ZFYVE1: variants seen among roughly 807,000 people sequenced by gnomAD.
ZFYVE1 encodes zinc finger FYVE domain-containing protein 1.
Under a neutral mutation model 74.4 loss-of-function variants are expected in ZFYVE1, and 30 were observed. That is an observed-to-expected ratio of 0.40 (90% CI 0.30 to 0.55). The LOEUF (loss-of-function observed/expected upper bound fraction) is 0.55, where lower values mean the gene tolerates loss of function less well. Ranked by LOEUF, ZFYVE1 falls within the 20% of genes least tolerant of loss-of-function variation. ZFYVE1 has a pLI of 0.42. For synonymous variants in ZFYVE1, 335 were observed against 385.1 expected (o/e 0.87, Z 1.52); for missense variants, 703 against 1,011.6 (o/e 0.69, Z 4.14).
intron 8 of ZFYVE1, among the ~76,000 whole-genome samples, chr14:72,977,403 G>A (rs1340099724): frequency 6.0e-5 from 9 of 151,106 alleles, no homozygotes; most frequent in Non-Finnish European, 8.8e-5. Context: ...GAACAAGAGC[G>A]AAACTCCGTC....
chr14:73,023,743 G>A (rs58178260), intron 2 of ZFYVE1, among the ~76,000 whole-genome samples: 2,153 of 152,030 alleles, frequency 0.014, 53 homozygotes, highest in African/African-American at 0.047. Context: ...TTTATTATGC[G>A]ACAGGCTCTA....
intron 2 of ZFYVE1, among the ~76,000 whole-genome samples, 186 bp downstream of exon 2, chr14:73,023,839 TA>T (rs977372524): frequency 2.6e-5 from 4 of 152,126 alleles, no homozygotes; most frequent in African/African-American, 7.2e-5. Flanking sequence ...CTCAGAAAAG[TA>T]AAGTAATTCG....
At chr14:73,009,899 G>C (rs1307353277) in intron 2 of ZFYVE1, among the ~76,000 whole-genome samples, 1 of 152,102 alleles carries the variant, frequency 6.6e-6, no homozygotes, top group Non-Finnish European at 1.5e-5. Context: ...CTTGAGTCCA[G>C]GAATTAGAGA....
chr14:72,993,961 G>A (rs534773022), intron 3 of ZFYVE1, among the ~76,000 whole-genome samples: 28 of 148,668 alleles, frequency 1.9e-4, no homozygotes, highest in African/African-American at 6.8e-4. Flanking sequence ...GTTGCAGTGA[G>A]CCAAGATCGC....
chr14:72,978,518 G>T (rs971871342), intron 6 of ZFYVE1, among the ~76,000 whole-genome samples: 1 of 116,684 alleles, frequency 8.6e-6, no homozygotes, highest in Non-Finnish European at 1.6e-5. Context: ...AGTAAGCCAA[G>T]ATTGTGCCAC....
At chr14:72,991,183 ATTTTTTTTTTTTT>A (rs57153409) in intron 4 of ZFYVE1, among the ~76,000 whole-genome samples, 1 of 83,568 alleles carries the variant, frequency 1.2e-5, no homozygotes, top group Admixed American at 1.6e-4. Flanking sequence ...CCCTGATGGT[ATTTTTTTTTTTTT>A]TTTTTTTTTT....
intron 6 of ZFYVE1, among the ~76,000 whole-genome samples, chr14:72,978,566 C>CAAAAAAAAAAAAAAAAAAAAAA (rs58858186): frequency 3.9e-5 from 2 of 50,952 alleles, no homozygotes; most frequent in Non-Finnish European, 6.5e-5. Context: ...GACTCTGTCT[C>CAAAAAAAAAAAAAAAAAAAAAA]AAAAAAAAAA....
rs549176349 is a variant in ZFYVE1 at position 72,975,417 on chromosome 14, C to T, written c.1806+134G>A. ...CTGCCTCAACGACTCCTCCCCTTGC[C>T]GGTACTCACAGAGCTCACTGCACTG... On this transcript the variant is annotated intron_variant, in intron 9 of 11. Transcript: ENST00000556143. This position sits in a 1 kb window ranked among gnomAD's most constrained non-coding sequence, Gnocchi z 4.1. 2.5e-4 allele frequency: 292 copies of T among 1,154,586 alleles called. 3 individuals carry two copies. The highest frequency in any genetic ancestry group is 1.1e-3 in the South Asian group (65 of 61,572). 71.5% of individuals were successfully genotyped at this position (1,154,586 alleles called of 1,614,324 possible).
chr14:72,987,336 G>A (rs1176062247), intron 4 of ZFYVE1, among the ~76,000 whole-genome samples: 4 of 152,198 alleles, frequency 2.6e-5, no homozygotes, highest in Admixed American at 1.3e-4. Flanking sequence ...GGAGGCCAAG[G>A]CAGACAGATA....
At chr14:73,004,129 TGTCACTCA>T (rs1397255958) in intron 2 of ZFYVE1, among the ~76,000 whole-genome samples, 1 of 152,132 alleles carries the variant, frequency 6.6e-6, no homozygotes, top group Non-Finnish European at 1.5e-5. Context: ...TTTGGACCCG[TGTCACTCA>T]GCCAGCCTGG....
chr14:73,019,872 A>G (rs1381819804), intron 2 of ZFYVE1, among the ~76,000 whole-genome samples: 1 of 151,588 alleles, frequency 6.6e-6, no homozygotes, highest in Admixed American at 6.6e-5. Context: ...AATCACTTGA[A>G]CCCAGGAGAC....
In ZFYVE1 at chr14:72,975,484, C is replaced by T. The variant is rs2286836; in HGVS notation, c.1806+67G>A. ...TCTCCCTCACAGAACAAGCTTAGCACAGGGCAAAGCGGCATTAAGTAGGAT... is the reference window on the plus strand; with the variant it reads ...TCTCCCTCACAGAACAAGCTTAGCATAGGGCAAAGCGGCATTAAGTAGGAT... On this transcript the variant is annotated intron_variant, in intron 9 of 11. Coordinates refer to ENST00000556143, the MANE Select transcript of ZFYVE1 (RefSeq NM_021260.4). The surrounding 1 kb of genome is among the most constrained non-coding windows in gnomAD (Gnocchi z 4.1). 139,576 of 1,540,252 alleles carry T rather than the reference C, an allele frequency of 0.091. 6,958 individuals carry two copies. The highest frequency in any genetic ancestry group is 0.17 in the East Asian group (7,316 of 44,164).
chr14:73,010,272 G>A (rs1029309906), intron 2 of ZFYVE1, among the ~76,000 whole-genome samples: 1 of 151,994 alleles, frequency 6.6e-6, no homozygotes, highest in Non-Finnish European at 1.5e-5. Context: ...TTGAGACTAG[G>A]CTGGCCATCA....
At chr14:73,014,832 C>A (rs1894157084) in intron 2 of ZFYVE1, among the ~76,000 whole-genome samples, 1 of 152,154 alleles carries the variant, frequency 6.6e-6, no homozygotes, top group Non-Finnish European at 1.5e-5. Context: ...ATGAAGCTAC[C>A]CTAGACCAGA....
rs369987038 is a variant in ZFYVE1, at chr14:73,021,771, A to C, written c.483+2255T>G. ...CTTTACAAACAATCCAATTATATACATATTACATTCAAGAAAAAAAAAGAT... is the reference window on the plus strand; with the variant it reads ...CTTTACAAACAATCCAATTATATACCTATTACATTCAAGAAAAAAAAAGAT... On this transcript the variant is annotated intron_variant, in intron 2 of 11. Transcript: ENST00000556143. Among the ~76,000 whole-genome samples the C allele has an allele frequency of 2.0e-5, 3 of 152,150 alleles. No individual in the cohort carries two copies. In the East Asian group the frequency reaches 5.8e-4, roughly 29 times the overall value.
At chr14:73,015,219 G>C (rs1285587629) in intron 2 of ZFYVE1, among the ~76,000 whole-genome samples, 3 of 133,386 alleles carry the variant, frequency 2.2e-5, no homozygotes, top group Admixed American at 8.1e-5. Flanking sequence ...GACAGAGTGA[G>C]ACTCCATCTG....
In ZFYVE1 at chr14:73,015,572, C is replaced by T. The variant is rs186390396; in HGVS notation, c.483+8454G>A. 1.8e-3 allele frequency among the ~76,000 whole-genome samples: 278 copies of T among 152,130 alleles called. 2 individuals are homozygous for T. Among genetic ancestry groups the T allele is most frequent in the Middle Eastern group, 6.8e-3 (2 of 294 alleles). On this transcript the variant is annotated intron_variant, in intron 2 of 11. Coordinates refer to ENST00000556143, the MANE Select transcript of ZFYVE1 (RefSeq NM_021260.4). ...CTGATTTCTGTATTTTTAGTAGACACGGGGTTTTGCCATGTTAGCCAGGCT... is the reference window on the plus strand; with the variant it reads ...CTGATTTCTGTATTTTTAGTAGACATGGGGTTTTGCCATGTTAGCCAGGCT...
At chr14:73,004,088 G>A (rs2140373363) in intron 2 of ZFYVE1, among the ~76,000 whole-genome samples, 1 of 152,338 alleles carries the variant, frequency 6.6e-6, no homozygotes, top group African/African-American at 2.4e-5. Flanking sequence ...AGACAACGGA[G>A]AGAAACAAGA....
In ZFYVE1 at chr14:72,970,538, G is replaced by A. The variant is rs1210731033; in HGVS notation, c.*344C>T. On this transcript the variant is annotated 3_prime_UTR_variant, in exon 12 of 12. Transcript: ENST00000556143. ...TCACCCTGTGCGGAGGAGACTGTGCGAAGTCTTCACAGCCAGCAGCAGCCT... is the reference window on the plus strand; with the variant it reads ...TCACCCTGTGCGGAGGAGACTGTGCAAAGTCTTCACAGCCAGCAGCAGCCT... The A allele has an allele frequency of 1.4e-5, 4 of 286,790 alleles. No homozygotes were observed. Among genetic ancestry groups the A allele is most frequent in the Admixed American group, 9.8e-5 (2 of 20,466 alleles). The allele number at this position is 286,790 out of a possible 1,614,324, so 17.8% of individuals were successfully genotyped here. A position where few individuals can be genotyped will look rare whatever the true frequency, so the allele number is the denominator to read the frequency against.
Sources: gnomAD v4.1 joint callset for allele counts (sites outside exome capture counted in the v4.1 genomes callset) on GRCh38, gnomAD v4.1.1 for gene constraint, Gnocchi (gnomAD v3.1) non-coding constraint, MANE v1.5 for transcripts, NCBI Gene and HGNC (gene_info 2026-07-23, HGNC 2026-07-21) for gene names.